HNRNPLL: variants seen among roughly 807,000 people sequenced by gnomAD.
HNRNPLL encodes the protein heterogeneous nuclear ribonucleoprotein L like, also known as heterogeneous nuclear ribonucleoprotein L-like.
A neutral mutation model predicts 67.1 loss-of-function variants in HNRNPLL; 25 were observed. The ratio of observed to expected loss-of-function variants is 0.37; its 90% confidence interval spans 0.27 to 0.52. The LOEUF (loss-of-function observed/expected upper bound fraction) is 0.52, where lower values mean the gene tolerates loss of function less well. Among genes scored for constraint, HNRNPLL ranks in the 20% least tolerant of loss-of-function variants. The pLI is 0.90. For synonymous variants in HNRNPLL, 267 were observed against 241.7 expected, an observed-to-expected ratio of 1.10 and a Z score of -0.97; for missense variants, 542 against 673.9, an observed-to-expected ratio of 0.80 and a Z score of 2.17.
Position 38,564,082 on chromosome 2 carries a change from A to C in HNRNPLL, c.*100T>G. 2.6e-6 allele frequency: 2 copies of C among 778,284 alleles called. No homozygotes were observed. Among genetic ancestry groups the C allele is most frequent in the Admixed American group, 4.1e-5 (2 of 48,840 alleles). 48.2% of individuals were successfully genotyped at this position (778,284 alleles called of 1,614,324 possible). ...TACAGAACAGGATCTTAAAGTAAGC[A>C]AGGCAACATGAGATCAACCATTTTA... On this transcript the variant is annotated 3_prime_UTR_variant, in exon 13 of 13. Transcript: ENST00000449105.
intron 7 of HNRNPLL, among the ~76,000 whole-genome samples, chr2:38,574,705 A>AT (rs1341829620): frequency 1.3e-5 from 2 of 151,830 alleles, no homozygotes; most frequent in African/African-American, 4.8e-5. Context: ...AATTTCTGCA[A>AT]TTTTAGGGAG....
intron 2 of HNRNPLL, 135 bp downstream of exon 2, chr2:38,591,395 T>C (rs1026575060): frequency 6.1e-6 from 4 of 655,846 alleles, no homozygotes; most frequent in African/African-American, 3.7e-5. Flanking sequence ...AATACAGTCA[T>C]AGGCAAACAA....
Position 38,582,107 on chromosome 2 carries a change from CAT to C in HNRNPLL, c.692_693del (p.Tyr231CysfsTer9). ...AKAALNGADI[Y>X]AGCCTLKIEY... ...TCAATTTTTAGTGTGCAACATCCAGCATATATATCAGCTCCATTGAGTGCTGC... is the reference window on the plus strand; with the variant it reads ...TCAATTTTTAGTGTGCAACATCCAGCATATATCAGCTCCATTGAGTGCTGC... On this transcript the variant is annotated frameshift_variant, in exon 5 of 13. Transcript: ENST00000449105. LOFTEE classifies it high-confidence loss of function. 6.2e-7 allele frequency: 1 copy of C among 1,613,860 alleles called. No homozygotes were observed. Among genetic ancestry groups the C allele is most frequent in the Non-Finnish European group, 8.5e-7 (1 of 1,179,774 alleles).
In HNRNPLL at chr2:38,583,825, T is replaced by C; in HGVS notation, c.632+16A>G. 3 of 1,279,748 alleles carry C rather than the reference T, an allele frequency of 2.3e-6. No individual in the cohort carries two copies. The East Asian group carries it at 7.2e-5, about 31-fold the overall frequency. 79.3% of individuals were successfully genotyped at this position (1,279,748 alleles called of 1,614,324 possible). A position where few individuals can be genotyped will look rare whatever the true frequency, so the allele number is the denominator to read the frequency against. ...TATGAATTACACATCAATAAAAATTTACAAATAAAGGATATTCAACCATTG... is the reference window on the plus strand; with the variant it reads ...TATGAATTACACATCAATAAAAATTCACAAATAAAGGATATTCAACCATTG... On this transcript the variant is annotated intron_variant, in intron 4 of 12. Transcript: ENST00000449105.
rs1339810228 is a variant in HNRNPLL, at chr2:38,564,193, A to C, written c.1618T>G (p.Ser540Ala). ...YTLKLCFSTS[S>A]HL ...ATGCTCTTCTCTTCTTATAAATGGG[A>C]TGATGTAGAAAAGCAAAGCTTCAAT... The change falls in exon 13 of 13, where the codon TCC becomes GCC. Residue 540 changes from serine to alanine, a missense_variant. Physicochemically the swap from Ser to Ala is moderately conservative, Grantham distance 99 (BLOSUM62 1). Around this residue, in one of 2 missense-constraint regions of HNRNPLL, gnomAD observed 415 missense variants for 575.2 expected, o/e 0.72. Transcript: ENST00000449105. 6.4e-7 allele frequency: 1 copy of C among 1,550,800 alleles called. No individual in the cohort carries two copies. The highest frequency in any genetic ancestry group is 1.1e-5 in the South Asian group (1 of 89,640).
At chr2:38,581,554 G>A (rs1666530185) in intron 6 of HNRNPLL, 1 of 320,898 alleles carries the variant, frequency 3.1e-6, no homozygotes, top group East Asian at 5.2e-5. Context: ...CAGCTTGGGG[G>A]AAAGTCCTTT....
chr2:38,590,958 A>G (rs1296311635), intron 2 of HNRNPLL, among the ~76,000 whole-genome samples: 1 of 152,170 alleles, frequency 6.6e-6, no homozygotes, highest in African/African-American at 2.4e-5. Context: ...TGAGCCATCA[A>G]TGTGCCACTA....
chr2:38,580,235 C>T (rs1024137090), intron 6 of HNRNPLL, among the ~76,000 whole-genome samples: 41 of 152,218 alleles, frequency 2.7e-4, no homozygotes, highest in African/African-American at 8.9e-4. Flanking sequence ...ACCACTTGTC[C>T]GGTTGTTTCA....
At chr2:38,600,629 A>C (rs1236440134) in intron 1 of HNRNPLL, among the ~76,000 whole-genome samples, 1 of 151,808 alleles carries the variant, frequency 6.6e-6, no homozygotes, top group African/African-American at 2.4e-5. Context: ...GCAACCCGGG[A>C]GGCTGAGGTA....
At chr2:38,569,370 T>C (rs1665984562) in intron 9 of HNRNPLL, 36 bp from the exon 10 acceptor site, 4 of 1,474,998 alleles carry the variant, frequency 2.7e-6, no homozygotes, top group African/African-American at 1.4e-5. Context: ...CAAAAGTACT[T>C]TGTTAGATAA....
Position 38,602,801 on chromosome 2 carries a change from G to A in HNRNPLL, c.-175C>T, listed in dbSNP as rs1489176969. 19 of 1,539,468 alleles carry A rather than the reference G, an allele frequency of 1.2e-5. No homozygotes were observed. The highest frequency in any genetic ancestry group is 1.2e-4 in the South Asian group (10 of 82,918). ...AGACTGGCGGCTGAGAAGCGCGGAC[G>A]GACTGAGGGGGGCGCCCCGGGAGGA... On this transcript the variant is annotated 5_prime_UTR_variant, in exon 1 of 13. Coordinates refer to ENST00000449105, the MANE Select transcript of HNRNPLL (RefSeq NM_138394.4).
intron 2 of HNRNPLL, among the ~76,000 whole-genome samples, chr2:38,590,157 G>A (rs540965241): frequency 3.9e-5 from 6 of 152,254 alleles, no homozygotes; most frequent in African/African-American, 9.6e-5. Flanking sequence ...CAAGGTTAAC[G>A]TGTTTGCCAA....
chr2:38,594,533 A>C (rs1313544926), intron 1 of HNRNPLL, among the ~76,000 whole-genome samples: 1 of 152,242 alleles, frequency 6.6e-6, no homozygotes, highest in Non-Finnish European at 1.5e-5. Flanking sequence ...ACACAGCAAA[A>C]AGCTAAAAAC....
chr2:38,572,212 A>ATGTTT (rs55761392), intron 8 of HNRNPLL, among the ~76,000 whole-genome samples: 39,938 of 151,220 alleles, frequency 0.26, 7,525 homozygotes, highest in African/African-American at 0.54. Context: ...CAAATGTGGA[A>ATGTTT]TGTTTTGTTT....
At chr2:38,594,185 C>A (rs1667082087) in intron 1 of HNRNPLL, among the ~76,000 whole-genome samples, 1 of 151,810 alleles carries the variant, frequency 6.6e-6, no homozygotes, top group Admixed American at 6.6e-5. Flanking sequence ...AAAAAAAAAC[C>A]AAAAACCAAA....
In HNRNPLL at chr2:38,591,768, G is replaced by T. The variant is rs368668762; in HGVS notation, c.190-120C>A. On this transcript the variant is annotated intron_variant, in intron 1 of 12. Transcript: ENST00000449105. ...AAGTGGGAGGGTCATTTGAGGTCAG[G>T]AGTTCGAGACCAGCCTGGCCAACAT... 1.0e-4 allele frequency: 58 copies of T among 563,014 alleles called. 1 individual carries two copies. Among genetic ancestry groups the T allele is most frequent in the East Asian group, 7.6e-4 (23 of 30,218 alleles). 34.9% of individuals were successfully genotyped at this position (563,014 alleles called of 1,614,324 possible).
chr2:38,586,018 A>T lies in HNRNPLL; in HGVS notation c.309-137T>A, dbSNP rs559979235. 110 of 657,658 alleles carry T rather than the reference A, an allele frequency of 1.7e-4. 2 individuals are homozygous for T. The African/African-American group carries it at 1.7e-3, about 10-fold the overall frequency. 40.7% of individuals were successfully genotyped at this position (657,658 alleles called of 1,614,324 possible). A position where few individuals can be genotyped will look rare whatever the true frequency, so the allele number is the denominator to read the frequency against. On this transcript the variant is annotated intron_variant, in intron 2 of 12. Transcript: ENST00000449105. ...ATTCTTCACTACCTGTGTCCAACGT[A>T]AGTCAACTTTTTTTTTTTTTTGAGA...
Position 38,568,187 on chromosome 2 carries a change from C to A in HNRNPLL, c.1573+12G>T, listed in dbSNP as rs762172847. 3.2e-6 allele frequency: 5 copies of A among 1,545,330 alleles called. No homozygotes were observed. The highest frequency in any genetic ancestry group is 3.4e-5 in the Admixed American group (2 of 58,094). ...CTACATAATTACAACACAAATAAAGCATTTTACTTACTCGGCACTCTTATC... is the reference window on the plus strand; with the variant it reads ...CTACATAATTACAACACAAATAAAGAATTTTACTTACTCGGCACTCTTATC... On this transcript the variant is annotated intron_variant, in intron 12 of 12. Coordinates refer to ENST00000449105, the MANE Select transcript of HNRNPLL (RefSeq NM_138394.4).
In HNRNPLL at chr2:38,568,343, C is replaced by G. The variant is rs751722636; in HGVS notation, c.1474+43G>C. 30 of 1,602,996 alleles carry G rather than the reference C, an allele frequency of 1.9e-5. No homozygotes were observed. The African/African-American group carries it at 3.6e-4, about 19-fold the overall frequency. Reference sequence around the variant, plus strand: ...CTCAGTTATTATTACTTGCTTATCACCAACTTAACCAGAAAGCTTTAAAAG... The same window carrying G: ...CTCAGTTATTATTACTTGCTTATCAGCAACTTAACCAGAAAGCTTTAAAAG... On this transcript the variant is annotated intron_variant, in intron 11 of 12. Coordinates refer to ENST00000449105, the MANE Select transcript of HNRNPLL (RefSeq NM_138394.4).
Sources: allele counts gnomAD v4.1 joint callset (sites outside exome capture counted in the v4.1 genomes callset), GRCh38; gene constraint gnomAD v4.1.1; regional missense constraint gnomAD v4.1.1; transcripts MANE v1.5; gene names NCBI Gene and HGNC (gene_info 2026-07-23, HGNC 2026-07-21).